Variants in UST observed in about 807,000 individuals in gnomAD.
The protein encoded by UST is uronyl 2-sulfotransferase.
A neutral mutation model predicts 45.6 loss-of-function variants in UST; 21 were observed. The observed-to-expected ratio is 0.46, with a 90% CI of 0.33 to 0.66. The LOEUF (loss-of-function observed/expected upper bound fraction) is 0.66. Among genes scored for constraint, UST ranks in the 30% least tolerant of loss-of-function variants. The pLI is 0.02. For synonymous variants in UST, 215 were observed against 200.6 expected (o/e 1.07, Z -0.61); for missense variants, 463 against 512.4 (o/e 0.90, Z 0.93).
At chr6:148,927,599 T>G (rs754304200) in intron 2 of UST, among the ~76,000 whole-genome samples, 3 of 152,176 alleles carry the variant, frequency 2.0e-5, no homozygotes, top group Non-Finnish European at 4.4e-5. Context: ...GGTTCTGAGG[T>G]CATTTTACAA....
At chr6:148,789,285 A>G (rs1380576313) in intron 1 of UST, among the ~76,000 whole-genome samples, 1 of 152,144 alleles carries the variant, frequency 6.6e-6, no homozygotes, top group South Asian at 2.1e-4. Flanking sequence ...AGTCAGCAGC[A>G]TCAGCATCAC....
At chr6:148,797,655 G>A (rs1475281030) in intron 1 of UST, among the ~76,000 whole-genome samples, 4 of 152,298 alleles carry the variant, frequency 2.6e-5, no homozygotes, top group East Asian at 1.9e-4. Context: ...TTGTGGGAGC[G>A]TAGAGGGGTG....
chr6:148,923,855 C>T (rs545819136), intron 2 of UST, among the ~76,000 whole-genome samples: 9 of 152,220 alleles, frequency 5.9e-5, no homozygotes, highest in East Asian at 5.8e-4. Context: ...CCAGATAGGC[C>T]GGGGTTCCTG....
chr6:149,047,990 A>C (rs547911931), intron 7 of UST, among the ~76,000 whole-genome samples: 1 of 152,372 alleles, frequency 6.6e-6, no homozygotes, highest in South Asian at 2.1e-4. Context: ...CTAATGCAAA[A>C]GGTAATGTGC....
intron 1 of UST, among the ~76,000 whole-genome samples, chr6:148,847,775 T>C (rs1301271388): frequency 6.6e-6 from 1 of 152,252 alleles, no homozygotes. Flanking sequence ...TCCAGCTTTA[T>C]CTCCAACACA....
Position 149,019,199 on chromosome 6 carries a change from A to T in UST, c.742A>T (p.Ile248Phe). 6.2e-7 allele frequency: 1 copy of T among 1,614,038 alleles called. No homozygotes were observed. Residue 248 changes from isoleucine (I) to phenylalanine (F), a missense_variant, in exon 6 of 8, where the codon ATC becomes TTC. Ile to Phe is a conservative substitution (Grantham distance 21). Coordinates refer to ENST00000367463, the MANE Select transcript of UST (RefSeq NM_005715.3). ...PECSNPRLFY[I>F]IPYFCGQHPR... ...GTGCTCCAACCCCAGGTTATTTTAC[A>T]TCATTCCGTACTTTTGTGGACAGCA...
At chr6:148,875,926 C>T (rs1388939037) in intron 1 of UST, among the ~76,000 whole-genome samples, 2 of 152,242 alleles carry the variant, frequency 1.3e-5, no homozygotes, top group Non-Finnish European at 2.9e-5. Context: ...ATAAGTGCTG[C>T]ACACATTTAA....
chr6:149,038,543 C>T (rs1372512585), intron 7 of UST, among the ~76,000 whole-genome samples: 2 of 152,048 alleles, frequency 1.3e-5, no homozygotes, highest in African/African-American at 4.8e-5. Flanking sequence ...ACTCTTCCAA[C>T]CCATCAATTC....
intron 1 of UST, among the ~76,000 whole-genome samples, chr6:148,795,572 C>T (rs1285876142): frequency 2.0e-5 from 3 of 152,112 alleles, no homozygotes; most frequent in South Asian, 2.1e-4. Context: ...GTCCTCTCAA[C>T]GCCTGCCGTA....
chr6:148,972,881 G>A (rs729095), intron 5 of UST, among the ~76,000 whole-genome samples: 10,134 of 134,548 alleles, frequency 0.075, 973 homozygotes, highest in African/African-American at 0.23. Context: ...TGGGCTTTGG[G>A]ATTTTTTTTT....
intron 1 of UST, among the ~76,000 whole-genome samples, chr6:148,783,324 T>C (rs1313693857): frequency 6.6e-6 from 1 of 152,216 alleles, no homozygotes; most frequent in Non-Finnish European, 1.5e-5. Flanking sequence ...TTTGCTTTAT[T>C]CTGGTGGTCT....
At chr6:148,989,358 A>G (rs988116900) in intron 5 of UST, among the ~76,000 whole-genome samples, 3 of 152,220 alleles carry the variant, frequency 2.0e-5, no homozygotes, top group African/African-American at 7.2e-5. Context: ...CTGAGTTCCA[A>G]AAGAAATCCA....
At chr6:148,785,364 G>A (rs76107052) in intron 1 of UST, among the ~76,000 whole-genome samples, 14,878 of 152,166 alleles carry the variant, frequency 0.098, 827 homozygotes, top group Non-Finnish European at 0.13. Flanking sequence ...ATGATTTGGG[G>A]ACAACTGCAT....
At chr6:148,924,142 C>T (rs1353608328) in intron 2 of UST, among the ~76,000 whole-genome samples, 1 of 152,170 alleles carries the variant, frequency 6.6e-6, no homozygotes, top group East Asian at 1.9e-4. Flanking sequence ...CAAACTATGA[C>T]CCATAGGCCA....
At chr6:148,980,066 T>C (rs1781099874) in intron 5 of UST, among the ~76,000 whole-genome samples, 1 of 152,184 alleles carries the variant, frequency 6.6e-6, no homozygotes, top group African/African-American at 2.4e-5. Context: ...CCTTTGGTCC[T>C]TCATCTTTAT....
chr6:148,942,799 A>G (rs1780154776), intron 3 of UST, among the ~76,000 whole-genome samples: 2 of 152,204 alleles, frequency 1.3e-5, no homozygotes, highest in Admixed American at 6.5e-5. Context: ...GTCTTTTATA[A>G]TACAGAGATC....
intron 5 of UST, among the ~76,000 whole-genome samples, chr6:148,983,934 G>T (rs150115467): frequency 6.6e-6 from 1 of 152,074 alleles, no homozygotes; most frequent in Non-Finnish European, 1.5e-5. Flanking sequence ...ACAAACACAC[G>T]ATAACATCGA....
intron 1 of UST, among the ~76,000 whole-genome samples, chr6:148,875,629 C>T (rs958248068): frequency 1.8e-4 from 27 of 152,190 alleles, no homozygotes; most frequent in African/African-American, 6.0e-4. Flanking sequence ...CATAGTGAAA[C>T]CCCATCTCTA....
intron 7 of UST, among the ~76,000 whole-genome samples, chr6:149,041,609 T>A (rs146542986): frequency 8.6e-4 from 131 of 152,354 alleles, no homozygotes; most frequent in African/African-American, 3.0e-3. Flanking sequence ...TTGGTGACAA[T>A]CTCTGGTCAT....
Sources: allele counts gnomAD v4.1 joint callset (sites outside exome capture counted in the v4.1 genomes callset), GRCh38; gene constraint gnomAD v4.1.1; transcripts MANE v1.5; gene names NCBI Gene and HGNC (gene_info 2026-07-23, HGNC 2026-07-21).